CMSS1: variants seen among roughly 807,000 people sequenced by gnomAD.
CMSS1 encodes the protein cms1 ribosomal small subunit homolog.
CMSS1 carries 33 observed loss-of-function variants against 43.5 expected under a neutral mutation model. The observed-to-expected ratio is 0.76, with a 90% confidence interval of 0.57 to 1.01. CMSS1 has a LOEUF of 1.01. Among genes scored for constraint, CMSS1 ranks in the 50% least tolerant of loss-of-function variants. The probability of loss-of-function intolerance (pLI) is 0.00; values close to 1 mark genes in which losing one functional copy is unlikely to be tolerated. For synonymous variants in CMSS1, 115 were observed against 117.2 expected, an observed-to-expected ratio of 0.98 and a Z score of 0.12; for missense variants, 313 against 326.4, an observed-to-expected ratio of 0.96 and a Z score of 0.32.
chr3:99,959,236 A>G (rs943157563), intron 1 of CMSS1, among the ~76,000 whole-genome samples: 76 of 152,150 alleles, frequency 5.0e-4, no homozygotes, highest in Non-Finnish European at 5.6e-4. Flanking sequence ...GCAACCTCCA[A>G]CTCCCAGGTT....
At position 100,069,026 on chromosome 3, in the gene CMSS1, T is replaced by C. The variant is rs567108679; in HGVS notation, c.65-77947T>C. Among the ~76,000 whole-genome samples the C allele has an allele frequency of 5.9e-5, 9 of 152,322 alleles. No homozygotes were observed. In the South Asian group the frequency reaches 8.3e-4, roughly 14 times the overall value. ...CAAACCCAGATAGAACGTTAGCAAG[T>C]ACCCACGTGATTTGGGCACTTCATA... On this transcript the variant is annotated intron_variant, in intron 1 of 9. Transcript: ENST00000421999.
chr3:99,908,459 GT>G (rs1706690397), intron 1 of CMSS1, among the ~76,000 whole-genome samples: 1 of 152,130 alleles, frequency 6.6e-6, no homozygotes, highest in African/African-American at 2.4e-5. Flanking sequence ...TATGTTTGGG[GT>G]TGGGCCCAGG....
At chr3:99,877,286 A>G (rs1368393690) in intron 1 of CMSS1, among the ~76,000 whole-genome samples, 1 of 152,224 alleles carries the variant, frequency 6.6e-6, no homozygotes, top group Non-Finnish European at 1.5e-5. Context: ...TATGATGTAC[A>G]TATGTCTGTA....
intron 1 of CMSS1, among the ~76,000 whole-genome samples, chr3:99,860,985 A>T (rs1406891801): frequency 1.3e-5 from 2 of 152,184 alleles, no homozygotes; most frequent in Non-Finnish European, 2.9e-5. Context: ...TCTATCAAGA[A>T]GGAGCTTTTA....
At chr3:99,908,051 C>G (rs1706678405) in intron 1 of CMSS1, among the ~76,000 whole-genome samples, 1 of 152,148 alleles carries the variant, frequency 6.6e-6, no homozygotes. Flanking sequence ...TGAGCATGGC[C>G]AAGGATTTTT....
chr3:99,970,965 C>T (rs192553573), intron 1 of CMSS1, among the ~76,000 whole-genome samples: 19 of 152,294 alleles, frequency 1.2e-4, no homozygotes, highest in Non-Finnish European at 2.4e-4. Flanking sequence ...GGCAGTGCTC[C>T]TACCTGTGTG....
intron 1 of CMSS1, among the ~76,000 whole-genome samples, chr3:100,100,126 A>G (rs879399411): frequency 3.9e-5 from 6 of 152,192 alleles, no homozygotes; most frequent in Admixed American, 2.0e-4. Flanking sequence ...ATGGAAAGGA[A>G]TGGCCTGGAA....
chr3:100,126,786 CAGG>C (rs2107496342), intron 1 of CMSS1, among the ~76,000 whole-genome samples: 1 of 152,248 alleles, frequency 6.6e-6, no homozygotes, highest in Non-Finnish European at 1.5e-5. Flanking sequence ...ATCACGAGGT[CAGG>C]AGATCGAGAC....
At chr3:99,881,852 A>T (rs1448233417) in intron 1 of CMSS1, among the ~76,000 whole-genome samples, 2 of 152,178 alleles carry the variant, frequency 1.3e-5, no homozygotes, top group African/African-American at 4.8e-5. Flanking sequence ...TTTAAGTAAT[A>T]CATTTTTAAA....
At chr3:99,836,832 C>G (rs1942919046) in intron 1 of CMSS1, among the ~76,000 whole-genome samples, 1 of 152,238 alleles carries the variant, frequency 6.6e-6, no homozygotes, top group Admixed American at 6.5e-5. Flanking sequence ...GCTGGCCCCT[C>G]AGCCATTGTG....
intron 1 of CMSS1, among the ~76,000 whole-genome samples, chr3:99,907,693 C>G (rs985503933): frequency 6.6e-6 from 1 of 152,176 alleles, no homozygotes; most frequent in Non-Finnish European, 1.5e-5. Flanking sequence ...CCCTAATCCC[C>G]TTCCCTTATG....
chr3:99,962,626 T>TAAC (rs917714874), intron 1 of CMSS1, among the ~76,000 whole-genome samples: 2 of 152,244 alleles, frequency 1.3e-5, no homozygotes, highest in East Asian at 3.9e-4. Context: ...TAATTAATAA[T>TAAC]AACAACAACA....
chr3:100,108,560 G>T (rs976398236), intron 1 of CMSS1, among the ~76,000 whole-genome samples: 1 of 152,142 alleles, frequency 6.6e-6, no homozygotes, highest in African/African-American at 2.4e-5. Flanking sequence ...TTCTGGTTTT[G>T]ACTCTGATTT....
chr3:100,076,595 AT>A (rs976835445), intron 1 of CMSS1, among the ~76,000 whole-genome samples: 4 of 152,004 alleles, frequency 2.6e-5, no homozygotes, highest in Admixed American at 2.6e-4. Flanking sequence ...CTTCTGAGTT[AT>A]TTTTTCCTGG....
intron 1 of CMSS1, among the ~76,000 whole-genome samples, chr3:99,924,724 G>A (rs966166564): frequency 2.0e-5 from 3 of 152,120 alleles, no homozygotes; most frequent in Middle Eastern, 3.4e-3. Flanking sequence ...GTTTCTCCAC[G>A]TTGGTCAGGC....
chr3:99,938,238 C>T (rs113527379), intron 1 of CMSS1, among the ~76,000 whole-genome samples: 230 of 152,334 alleles, frequency 1.5e-3, no homozygotes, highest in African/African-American at 5.1e-3. Context: ...CTCACAGACA[C>T]CCTCACATGC....
chr3:100,153,526 T>C (rs1390332778), intron 2 of CMSS1, among the ~76,000 whole-genome samples: 4 of 152,236 alleles, frequency 2.6e-5, no homozygotes, highest in Non-Finnish European at 4.4e-5. Context: ...GCCTCTCCCC[T>C]TCACTTGCAG....
chr3:99,839,792 AG>A (rs1943050735), intron 1 of CMSS1, among the ~76,000 whole-genome samples: 2 of 152,192 alleles, frequency 1.3e-5, no homozygotes, highest in Admixed American at 1.3e-4. Context: ...AAAACTCTTC[AG>A]TATAGGTTTT....
intron 4 of CMSS1, among the ~76,000 whole-genome samples, chr3:100,166,045 C>T (rs1199334752): frequency 3.3e-5 from 5 of 152,094 alleles, no homozygotes; most frequent in African/African-American, 7.2e-5. Context: ...TTGTGTAGTC[C>T]CTATTTTATG....
Sources: allele counts gnomAD v4.1 joint callset (sites outside exome capture counted in the v4.1 genomes callset), GRCh38; gene constraint gnomAD v4.1.1; transcripts MANE v1.5; gene names NCBI Gene and HGNC (gene_info 2026-07-23, HGNC 2026-07-21).